The following ATP9A variants were observed in gnomAD, a reference collection of about 807,000 sequenced individuals.
ATP9A encodes the protein probable phospholipid-transporting ATPase IIA.
ATP9A carries 52 observed loss-of-function variants against 144.1 expected under a neutral mutation model. The observed-to-expected ratio is 0.36, with a 90% CI of 0.29 to 0.45. The LOEUF is 0.45. ATP9A is among the 20% of genes least tolerant of loss of function. ATP9A has a pLI of 1.00. For synonymous variants in ATP9A, 582 were observed against 557.4 expected, an observed-to-expected ratio of 1.04 and a Z score of -0.62; for missense variants, 947 against 1,392.7, an observed-to-expected ratio of 0.68 and a Z score of 5.09.
At chr20:51,762,590 T>C (rs2077885678) in intron 1 of ATP9A, among the ~76,000 whole-genome samples, 3 of 147,772 alleles carry the variant, frequency 2.0e-5, no homozygotes, top group Non-Finnish European at 4.5e-5. Context: ...ACCCGGGAGG[T>C]GGAGGTTGCA....
At chr20:51,716,141 T>G (rs1204976127) in intron 3 of ATP9A, among the ~76,000 whole-genome samples, 1 of 152,118 alleles carries the variant, frequency 6.6e-6, no homozygotes, top group African/African-American at 2.4e-5. Context: ...CAAAACTCAA[T>G]GAACTGAAAA....
Position 51,738,611 on chromosome 20 carries a change from G to A in ATP9A, c.69-8633C>T, listed in dbSNP as rs560160507. On this transcript the variant is annotated intron_variant, in intron 1 of 27. Transcript: ENST00000338821. ...GTAGTCCCAGGTACTCGGGAGGATT[G>A]ACGCAGGAGAATCTCTTGAACCTGG... 1.4e-4 allele frequency among the ~76,000 whole-genome samples: 21 copies of A among 152,258 alleles called. No individual in the cohort carries two copies. In the South Asian group the frequency reaches 2.1e-3, roughly 15 times the overall value.
At chr20:51,701,971 G>A (rs2077595078) in intron 4 of ATP9A, among the ~76,000 whole-genome samples, 1 of 151,608 alleles carries the variant, frequency 6.6e-6, no homozygotes, top group Admixed American at 6.6e-5. Flanking sequence ...GACCAGCCCG[G>A]GCCGCATGGC....
At chr20:51,627,351 A>G (rs2077253502) in intron 17 of ATP9A, among the ~76,000 whole-genome samples, 1 of 152,184 alleles carries the variant, frequency 6.6e-6, no homozygotes, top group African/African-American at 2.4e-5. Context: ...GTGGTCCAGG[A>G]AGACTTCTTG....
Position 51,683,102 on chromosome 20 carries a change from T to A in ATP9A, c.799+5962A>T, listed in dbSNP as rs577587715. Among the ~76,000 whole-genome samples, 46 of 150,592 alleles carry A rather than the reference T, an allele frequency of 3.1e-4. No individual in the cohort carries two copies. The East Asian group carries it at 3.8e-3, about 13-fold the overall frequency. ...GCAAAACTTTGTCTCAAAAAAAAAA[T>A]AATAATAAACAGCGTCTTTCTCTGT... is the stretch of plus-strand genomic sequence containing the variant. On this transcript the variant is annotated intron_variant, in intron 9 of 27. Transcript: ENST00000338821.
intron 9 of ATP9A, among the ~76,000 whole-genome samples, chr20:51,684,166 C>T (rs1484612971): frequency 1.3e-5 from 2 of 152,080 alleles, no homozygotes; most frequent in Non-Finnish European, 2.9e-5. Context: ...ACCTGGGTGA[C>T]AGATCAAGAC....
intron 1 of ATP9A, among the ~76,000 whole-genome samples, chr20:51,750,099 G>A (rs1226614371): frequency 6.6e-6 from 1 of 152,144 alleles, no homozygotes; most frequent in Non-Finnish European, 1.5e-5. Context: ...AGGTTGCGGT[G>A]AGCCGAGATC....
chr20:51,726,635 G>T (rs1272336787), intron 2 of ATP9A, among the ~76,000 whole-genome samples: 1 of 152,092 alleles, frequency 6.6e-6, no homozygotes. Flanking sequence ...CTGGAGTCCA[G>T]TGGCGTGATC....
At chr20:51,721,981 T>C (rs1439669250) in intron 3 of ATP9A, among the ~76,000 whole-genome samples, 1 of 151,986 alleles carries the variant, frequency 6.6e-6, no homozygotes, top group Non-Finnish European at 1.5e-5. Context: ...GGTACTGGTA[T>C]AAAAATAGGC....
chr20:51,641,612 C>T (rs1172528026), intron 14 of ATP9A, among the ~76,000 whole-genome samples: 1 of 151,170 alleles, frequency 6.6e-6, no homozygotes, highest in Non-Finnish European at 1.5e-5. Context: ...GTCAGGAGTT[C>T]GAGACCAGCC....
At chr20:51,742,458 T>C (rs747439410) in intron 1 of ATP9A, among the ~76,000 whole-genome samples, 1 of 152,014 alleles carries the variant, frequency 6.6e-6, no homozygotes, top group Non-Finnish European at 1.5e-5. Context: ...AGCTGGCTGC[T>C]GCAGCTGGCA....
At chr20:51,729,103 A>G (rs1375752229) in intron 2 of ATP9A, among the ~76,000 whole-genome samples, 2 of 151,998 alleles carry the variant, frequency 1.3e-5, no homozygotes, top group Non-Finnish European at 2.9e-5. Flanking sequence ...ATGCATCTTT[A>G]TTTTTTCTCC....
intron 1 of ATP9A, among the ~76,000 whole-genome samples, chr20:51,767,567 G>A (rs2077910707): frequency 1.3e-5 from 2 of 152,174 alleles, no homozygotes; most frequent in Admixed American, 1.3e-4. Context: ...TGCCTGTTCC[G>A]CGCCTAAGCT....
Position 51,705,027 on chromosome 20 carries a change from T to A in ATP9A, c.437-7545A>T, listed in dbSNP as rs183169919. On this transcript the variant is annotated intron_variant, in intron 4 of 27. Transcript: ENST00000338821. ...AGTCTATCCATACCATTCTCTTCTT[T>A]AAAAAAAAATCATAATGCATATCTT... Among the ~76,000 whole-genome samples the A allele has an allele frequency of 1.1e-3, 172 of 151,748 alleles. 1 individual carries two copies. Among genetic ancestry groups the A allele is most frequent in the African/African-American group, 3.0e-3 (124 of 41,434 alleles).
At chr20:51,683,651 A>T (rs567364094) in intron 9 of ATP9A, among the ~76,000 whole-genome samples, 1 of 152,122 alleles carries the variant, frequency 6.6e-6, no homozygotes, top group South Asian at 2.1e-4. Context: ...CCTGGACTCA[A>T]GCAATCCTCC....
At chr20:51,609,923 C>A (rs985218511) in intron 24 of ATP9A, among the ~76,000 whole-genome samples, 178 bp downstream of exon 24, 3 of 152,342 alleles carry the variant, frequency 2.0e-5, no homozygotes, top group Non-Finnish European at 2.9e-5. Flanking sequence ...GGCTTAACAG[C>A]TCAAAACCTT....
chr20:51,691,920 G>T (rs1475930091), intron 7 of ATP9A, among the ~76,000 whole-genome samples: 2 of 152,200 alleles, frequency 1.3e-5, no homozygotes, highest in African/African-American at 2.4e-5. Flanking sequence ...GCCTTAAAAA[G>T]GAAGAAGTTC....
intron 1 of ATP9A, among the ~76,000 whole-genome samples, chr20:51,750,602 C>T (rs62228186): frequency 0.12 from 17,877 of 152,166 alleles, 2,004 homozygotes; most frequent in African/African-American, 0.29. Context: ...GCCCTCAACG[C>T]GAATGACTTG....
chr20:51,729,937 C>T lies in ATP9A; in HGVS notation c.110G>A (p.Arg37Lys), dbSNP rs2122874224. 1.3e-6 allele frequency: 2 copies of T among 1,583,024 alleles called. No homozygotes were observed. Among genetic ancestry groups the T allele is most frequent in the Non-Finnish European group, 1.7e-6 (2 of 1,169,382 alleles). Residue 37 changes from arginine to lysine, a missense_variant, in exon 2 of 28, where the codon AGG becomes AAG. Transcript: ENST00000338821. ...GTGCCCCAGCCAGACAGTGCGGGGCCTGGCCTCCCCTCCACCGCAGCATCT... is the reference window on the plus strand; with the variant it reads ...GTGCCCCAGCCAGACAGTGCGGGGCTTGGCCTCCCCTCCACCGCAGCATCT... ...WLRCCGGGEA[R>K]PRTVWLGHPE...
Sources: gnomAD v4.1 joint callset for allele counts (sites outside exome capture counted in the v4.1 genomes callset) on GRCh38, gnomAD v4.1.1 for gene constraint, MANE v1.5 for transcripts, NCBI Gene and HGNC (gene_info 2026-07-23, HGNC 2026-07-21) for gene names.